ABCG5: variants seen among roughly 807,000 people sequenced by gnomAD.
ABCG5 encodes ATP-binding cassette sub-family G member 5.
In ABCG5, 64 loss-of-function variants were observed where a neutral mutation model predicts 64.5. The ratio of observed to expected loss-of-function variants is 0.99; its 90% confidence interval spans 0.81 to 1.22. The LOEUF is 1.22. ABCG5 is among the 50% of genes most tolerant of loss of function. The pLI is 0.00. For synonymous variants in ABCG5, 385 were observed against 326.3 expected, an observed-to-expected ratio of 1.18 and a Z score of -1.94; for missense variants, 908 against 829.5, an observed-to-expected ratio of 1.09 and a Z score of -1.16.
At chr2:43,834,374 A>C (rs999955236) in intron 2 of ABCG5, among the ~76,000 whole-genome samples, 1 of 152,214 alleles carries the variant, frequency 6.6e-6, no homozygotes, top group Admixed American at 6.5e-5. Context: ...ATTGTTGCCA[A>C]ATCCAGTGTA....
chr2:43,816,651 C>G (rs914296099), intron 11 of ABCG5, among the ~76,000 whole-genome samples: 1 of 152,176 alleles, frequency 6.6e-6, no homozygotes, highest in African/African-American at 2.4e-5. Context: ...TCAGGTGATT[C>G]TCCTGCCTCA....
the ABCG5 span, among the ~76,000 whole-genome samples, chr2:43,806,481 A>G: frequency 4.6e-5 from 7 of 152,192 alleles, no homozygotes; most frequent in Non-Finnish European, 1.0e-4. Context: ...TGCCATGAAT[A>G]TTTAGAGGTT....
rs143444046 is a variant in ABCG5 at position 43,831,828 on chromosome 2, G to A, written c.442C>T (p.Leu148=). The change falls in exon 4 of 13, where the codon CTG becomes TTG. Residue 148 remains leucine (L), a synonymous_variant. Transcript: ENST00000405322. ...LLSSLTVRET[L]HYTALLAIRR... is the part of the protein sequence containing the mutation. ...ATGGCCAGCAGCGCGGTGTAGTGCA[G>A]CGTCTCGCGCACGGTGAGGCTGCTC... is the stretch of plus-strand genomic sequence containing the variant. 490 of 1,588,538 alleles carry A rather than the reference G, an allele frequency of 3.1e-4. 2 individuals are homozygous for A. Among genetic ancestry groups the A allele is most frequent in the Admixed American group, 1.3e-3 (74 of 55,498 alleles).
chr2:43,820,125 T>C, intron 10 of ABCG5, 25 bp from the exon 11 acceptor site: 1 of 1,608,590 alleles, frequency 6.2e-7, no homozygotes, highest in Non-Finnish European at 8.5e-7. Context: ...GCTCTTTAGT[T>C]TCCTCTCCAA....
chr2:43,824,552 G>A (rs749813197), intron 7 of ABCG5, 120 bp from the exon 8 acceptor site: 2 of 1,583,434 alleles, frequency 1.3e-6, no homozygotes, highest in Non-Finnish European at 8.5e-7. Context: ...TAAAATTTGT[G>A]GTTAATGCCC....
chr2:43,827,364 A>G (rs1667681703), intron 5 of ABCG5, among the ~76,000 whole-genome samples: 1 of 151,878 alleles, frequency 6.6e-6, no homozygotes, highest in Non-Finnish European at 1.5e-5. Context: ...TGTTAAAAAC[A>G]TCTCTCTTAT....
chr2:43,837,780 T>C (rs1668370964), intron 2 of ABCG5, 54 bp downstream of exon 2: 2 of 1,610,228 alleles, frequency 1.2e-6, no homozygotes, highest in Non-Finnish European at 1.7e-6. Flanking sequence ...GTTTCTTCAA[T>C]GTGGAGTTTA....
At chr2:43,833,953 G>C (rs565834743) in intron 2 of ABCG5, among the ~76,000 whole-genome samples, 2 of 152,194 alleles carry the variant, frequency 1.3e-5, no homozygotes, top group Non-Finnish European at 2.9e-5. Context: ...CAAGGTGCTG[G>C]GATTACAGGT....
downstream of ABCG5, chr2:43,810,649 G>GAT: frequency 2.5e-6 from 1 of 399,428 alleles, no homozygotes; most frequent in Non-Finnish European, 3.4e-6. Flanking sequence ...TGTCTGAGCA[G>GAT]ATAGCAAGCC....
upstream of ABCG5, chr2:43,839,125 G>C (rs1287572925): frequency 1.9e-5 from 29 of 1,551,164 alleles, no homozygotes; most frequent in Non-Finnish European, 2.5e-5. Context: ...CGGTGAGTGA[G>C]CAATGGGAAG....
chr2:43,834,871 C>T (rs193221771), intron 2 of ABCG5, among the ~76,000 whole-genome samples: 23 of 152,302 alleles, frequency 1.5e-4, no homozygotes, highest in Admixed American at 7.2e-4. Flanking sequence ...AGACTTTGAA[C>T]GTATATGTCA....
chr2:43,831,906 G>GGGGC, intron 3 of ABCG5, 39 bp from the exon 4 acceptor site: 8 of 1,547,832 alleles, frequency 5.2e-6, no homozygotes, highest in Non-Finnish European at 5.2e-6. Context: ...CTAAGCCCCC[G>GGGGC]GGGCGGGCGG....
Position 43,823,965 on chromosome 2 carries a change from G to T in ABCG5, c.1272C>A (p.Tyr424Ter). Residue 424 changes from tyrosine (Y) to a stop codon, truncating the protein, a stop_gained, in exon 9 of 13, where the codon TAC becomes TAA. Coordinates refer to ENST00000405322, the MANE Select transcript of ABCG5 (RefSeq NM_022436.3). LOFTEE classifies it high-confidence loss of function. ...TGTACGGGGTGGCGCCCACAAACTG[G>T]TAAAGGAGACCTACGCGGTCCTGGA... ...GAIQDRVGLL[Y>*]QFVGATPYTG... 2 of 1,614,190 alleles carry T rather than the reference G, an allele frequency of 1.2e-6. No individual in the cohort carries two copies. Among genetic ancestry groups the T allele is most frequent in the Non-Finnish European group, 1.7e-6 (2 of 1,180,038 alleles).
At chr2:43,814,761 GA>G (rs771621896) in intron 11 of ABCG5, among the ~76,000 whole-genome samples, 172 bp from the exon 12 acceptor site, 3 of 152,050 alleles carry the variant, frequency 2.0e-5, no homozygotes, top group Non-Finnish European at 4.4e-5. Context: ...ACAATATAAA[GA>G]AATACCGTTG....
At chr2:43,820,346 C>G (rs769244637) in intron 10 of ABCG5, among the ~76,000 whole-genome samples, 13 of 152,188 alleles carry the variant, frequency 8.5e-5, no homozygotes, top group Non-Finnish European at 1.8e-4. Flanking sequence ...TCCTTCAGCT[C>G]TCATAGGAAA....
At chr2:43,820,281 C>T (rs1046363397) in intron 10 of ABCG5, among the ~76,000 whole-genome samples, 181 bp from the exon 11 acceptor site, 7 of 152,218 alleles carry the variant, frequency 4.6e-5, no homozygotes, top group African/African-American at 1.7e-4. Flanking sequence ...TTTATTATAT[C>T]AAATTGTTCC....
intron 4 of ABCG5, 145 bp downstream of exon 4, chr2:43,831,624 G>C: frequency 1.3e-6 from 1 of 789,806 alleles, no homozygotes; most frequent in Non-Finnish European, 2.1e-6. Flanking sequence ...AGCACAGGGT[G>C]CACGGTGCAG....
rs1303311873 is a variant in ABCG5 at position 43,832,096 on chromosome 2, A to C, written c.266-13T>G. ...GTTTTCCCGGAGCCTGCGGGGCGAC[A>C]ACAGAAGGCCCTAGAGGAACCACTC... On this transcript the variant is annotated splice_polypyrimidine_tract_variant and intron_variant, in intron 2 of 12. Transcript: ENST00000405322. 4 of 1,572,922 alleles carry C rather than the reference A, an allele frequency of 2.5e-6. No individual in the cohort carries two copies. The Admixed American group carries it at 7.4e-5, about 29-fold the overall frequency.
chr2:43,818,398 C>T (rs934505431), intron 11 of ABCG5, among the ~76,000 whole-genome samples: 6 of 152,118 alleles, frequency 3.9e-5, no homozygotes, highest in African/African-American at 1.2e-4. Context: ...GAGCTGAGAT[C>T]GCGCCATTGC....
Sources: gnomAD v4.1 joint callset for allele counts (sites outside exome capture counted in the v4.1 genomes callset) on GRCh38, gnomAD v4.1.1 for gene constraint, MANE v1.5 for transcripts, NCBI Gene and HGNC (gene_info 2026-07-23, HGNC 2026-07-21) for gene names.